TASOR2: variants seen among roughly 807,000 people sequenced by gnomAD.
The protein encoded by TASOR2 is protein TASOR 2.
TASOR2 carries 84 observed loss-of-function variants against 199.5 expected under a neutral mutation model. That is an observed-to-expected ratio of 0.42 (90% CI 0.35 to 0.50). The LOEUF (loss-of-function observed/expected upper bound fraction) is 0.50, where lower values mean the gene tolerates loss of function less well. Among genes scored for constraint, TASOR2 ranks in the 20% least tolerant of loss-of-function variants. The pLI is 0.02. For missense variants in TASOR2, 2,796 were observed against 2,835.9 expected, an observed-to-expected ratio of 0.99 and a Z score of 0.32; for synonymous variants, 1,103 against 1,046.6, an observed-to-expected ratio of 1.05 and a Z score of -1.04.
chr10:5,731,405 G>A (rs1834794511), intron 11 of TASOR2, among the ~76,000 whole-genome samples: 1 of 152,202 alleles, frequency 6.6e-6, no homozygotes, highest in East Asian at 1.9e-4. Flanking sequence ...GTGCGTGCCT[G>A]TAGTCCTAGC....
Position 5,720,816 on chromosome 10 carries a change from T to C in TASOR2, c.46+42T>C, listed in dbSNP as rs1218690038. ...TGATTCTTTTAGGTTTTTTTTTTCT[T>C]GAGTAAATGTTTCATCATAAATAAT... On this transcript the variant is annotated intron_variant, in intron 5 of 20. Coordinates refer to ENST00000328090, the Ensembl canonical transcript of TASOR2. This position sits in a 1 kb window ranked among gnomAD's most constrained non-coding sequence, Gnocchi z 5.3. 2 of 1,597,662 alleles carry C rather than the reference T, an allele frequency of 1.3e-6. No homozygotes were observed. The highest frequency in any genetic ancestry group is 1.8e-5 in the Admixed American group (1 of 56,096).
chr10:5,739,736 T>C lies in TASOR2; in HGVS notation c.1566T>C (p.Pro522=), dbSNP rs369448239. 2.0e-4 allele frequency: 319 copies of C among 1,614,224 alleles called. 1 individual carries two copies. In the African/African-American group the frequency reaches 3.9e-3, roughly 20 times the overall value. ...CCACAGCGGCTCACAATGATCTTCC[T>C]GAAAACTCCATCGTCAACTATGACT... The change falls in exon 13 of 21, where the codon CCT becomes CCC. Residue 522 remains proline (P), a synonymous_variant. Coordinates refer to ENST00000328090, the Ensembl canonical transcript of TASOR2.
At chr10:5,714,377 T>G (rs538103588) in intron 2 of TASOR2, 170 bp downstream of exon 3, 16 of 399,142 alleles carry the variant, frequency 4.0e-5, no homozygotes, top group African/African-American at 2.9e-4. Context: ...GATTTGAGTC[T>G]AAAACTTAAC....
Position 5,758,061 on chromosome 10 carries a change from G to A in TASOR2, c.6886+388G>A, listed in dbSNP as rs183980401. Among the ~76,000 whole-genome samples the A allele has an allele frequency of 8.4e-4, 128 of 152,150 alleles. 1 individual carries two copies. Among genetic ancestry groups the A allele is most frequent in the African/African-American group, 3.0e-3 (126 of 41,518 alleles). ...CTGATGTCAACACCCCTACCATCTT[G>A]ATGTCACAAAAATCTAAAAAATGGC... On this transcript the variant is annotated intron_variant, in intron 17 of 20. Coordinates refer to ENST00000328090, the Ensembl canonical transcript of TASOR2.
exon 11 of TASOR2, chr10:5,731,185 C>A: frequency 1.2e-6 from 2 of 1,601,642 alleles, no homozygotes; most frequent in Non-Finnish European, 1.7e-6. Context: ...AGGACAGTTT[C>A]CTCAGAAAAG....
intron 15 of TASOR2, among the ~76,000 whole-genome samples, chr10:5,755,300 C>T (rs1838768241): frequency 1.3e-5 from 2 of 151,954 alleles, no homozygotes; most frequent in South Asian, 4.1e-4. Flanking sequence ...GGGAGCCACA[C>T]AGTGGCTCTC....
In TASOR2 at chr10:5,706,450, A is replaced by G. The variant is rs554517164; in HGVS notation, c.-287-6373A>G. On this transcript the variant is annotated intron_variant, in intron 1 of 20. Transcript: ENST00000328090. This position sits in a 1 kb window ranked among gnomAD's most constrained non-coding sequence, Gnocchi z 4.8. ...AAGCCAGGCAGTAATATCAGAGGGC[A>G]CAAGCCCAGATTGAAGCTGGAAGAC... is the stretch of plus-strand genomic sequence containing the variant. 5.3e-5 allele frequency among the ~76,000 whole-genome samples: 8 copies of G among 152,326 alleles called. No homozygotes were observed. In the East Asian group the frequency reaches 1.5e-3, roughly 29 times the overall value.
In TASOR2 at chr10:5,689,989, AC is replaced by A. The variant is rs1836244842; in HGVS notation, c.-288+4816del. ...TTATTTAAATGTTTCTTCCATTTAGACCAATGTTGGTAAATTATATTTTTAT... is the reference window on the plus strand; with the variant it reads ...TTATTTAAATGTTTCTTCCATTTAGACAATGTTGGTAAATTATATTTTTAT... On this transcript the variant is annotated intron_variant, in intron 1 of 20. Transcript: ENST00000328090. This position sits in a 1 kb window ranked among gnomAD's most constrained non-coding sequence, Gnocchi z 4.1. 6.6e-6 allele frequency among the ~76,000 whole-genome samples: 1 copy of A among 152,116 alleles called. No homozygotes were observed. Among genetic ancestry groups the A allele is most frequent in the Admixed American group, 6.5e-5 (1 of 15,282 alleles).
At chr10:5,693,790 C>T (rs1836788610) in intron 1 of TASOR2, among the ~76,000 whole-genome samples, 2 of 152,144 alleles carry the variant, frequency 1.3e-5, no homozygotes, top group African/African-American at 4.8e-5. Context: ...GCAAAAACTA[C>T]CTGTACTTGT....
Position 5,739,924 on chromosome 10 carries a change from A to G in TASOR2, c.1754A>G (p.His585Arg), listed in dbSNP as rs1210023845. ...CGAGGTACATCTGACCATGAATATC[A>G]TAGAGGAGTTAAAACTCAAAAAGGT... Residue 585 changes from histidine to arginine, a missense_variant, in exon 13 of 21, where the codon CAT becomes CGT. Physicochemically the swap from His to Arg is conservative, Grantham distance 29 (BLOSUM62 0). Transcript: ENST00000328090. 3.7e-6 allele frequency: 6 copies of G among 1,614,022 alleles called. No individual in the cohort carries two copies. In the Admixed American group the frequency reaches 8.3e-5, roughly 22 times the overall value.
In TASOR2 at chr10:5,720,631, G is replaced by C. The variant is rs201891521; in HGVS notation, c.-12G>C. 5.7e-4 allele frequency: 923 copies of C among 1,613,970 alleles called. 3 individuals are homozygous for C. The highest frequency in any genetic ancestry group is 2.8e-3 in the Admixed American group (168 of 60,016). On this transcript the variant is annotated 5_prime_UTR_variant, in exon 4 of 21. Transcript: ENST00000328090. The surrounding 1 kb of genome is among the most constrained non-coding windows in gnomAD (Gnocchi z 5.3). The stretch of plus-strand genomic sequence containing the variant: ...TGTAATTGTAGCTTTTCGATACAGG[G>C]AATCTAAAACTATGGCACCACCAGC...
At chr10:5,747,127 G>A in exon 15 of TASOR2, 1 of 1,614,052 alleles carries the variant, frequency 6.2e-7, no homozygotes, top group South Asian at 1.1e-5. Context: ...TGACTCTTTA[G>A]AACTAAGGAA....
rs1836230557 is a variant in TASOR2, at chr10:5,740,360, T to C, written c.2190T>C (p.Ser730=). 1.2e-6 allele frequency: 2 copies of C among 1,614,054 alleles called. No individual in the cohort carries two copies. Among genetic ancestry groups the C allele is most frequent in the Non-Finnish European group, 1.7e-6 (2 of 1,179,878 alleles). The change falls in exon 13 of 21, where the codon TCT becomes TCC. Residue 730 remains serine (S), a synonymous_variant. Coordinates refer to ENST00000328090, the Ensembl canonical transcript of TASOR2. This position sits in a 1 kb window ranked among gnomAD's most constrained non-coding sequence, Gnocchi z 5.3. ...CACCGTCTGCCCGTGTGAAAAAATC[T>C]TCTTGCTCTCGTATAGTGCTTAGCT...
At chr10:5,763,721 A>T (rs1840216802) in exon 21 of TASOR2, 1 of 152,258 alleles carries the variant, frequency 6.6e-6, no homozygotes, top group Non-Finnish European at 1.5e-5. Context: ...CATTTTTTAA[A>T]TAAAGACAAC....
At chr10:5,729,651 C>A (rs1266237840) in intron 10 of TASOR2, among the ~76,000 whole-genome samples, 1 of 152,284 alleles carries the variant, frequency 6.6e-6, no homozygotes, top group East Asian at 1.9e-4. Flanking sequence ...TTAACTAGAA[C>A]TAACTTTGTG....
Position 5,719,492 on chromosome 10 carries a change from G to A in TASOR2, c.-99-1052G>A, listed in dbSNP as rs1480242970. ...CAAGTGGCTGGGACTACAGGCGCGC[G>A]CTACCACACCCAGCTAATTTTTTTG... On this transcript the variant is annotated intron_variant, in intron 3 of 20. Coordinates refer to ENST00000328090, the Ensembl canonical transcript of TASOR2. The surrounding 1 kb of genome is among the most constrained non-coding windows in gnomAD (Gnocchi z 4.1). Among the ~76,000 whole-genome samples the A allele has an allele frequency of 6.6e-5, 10 of 151,970 alleles. No homozygotes were observed. The highest frequency in any genetic ancestry group is 1.9e-4 in the African/African-American group (8 of 41,364).
At position 5,742,769 on chromosome 10, in the gene TASOR2, A is replaced by G. The variant is rs932143938; in HGVS notation, c.2757+243A>G. Among the ~76,000 whole-genome samples, 2 of 152,190 alleles carry G rather than the reference A, an allele frequency of 1.3e-5. No homozygotes were observed. Among genetic ancestry groups the G allele is most frequent in the Non-Finnish European group, 2.9e-5 (2 of 68,034 alleles). On this transcript the variant is annotated intron_variant, in intron 14 of 20. Coordinates refer to ENST00000328090, the Ensembl canonical transcript of TASOR2. This position sits in a 1 kb window ranked among gnomAD's most constrained non-coding sequence, Gnocchi z 4.2. ...AGTAGAAAAATGTCACAGGGTCCAC[A>G]TGATCTGGGAGCCCAGCATAATTTG...
chr10:5,734,384 C>T (rs570616359), intron 11 of TASOR2, among the ~76,000 whole-genome samples: 2 of 151,942 alleles, frequency 1.3e-5, no homozygotes, highest in South Asian at 2.1e-4. Context: ...CTTCCCAGAG[C>T]GCTTCTAAGA....
Position 5,752,454 on chromosome 10 carries a change from C to T in TASOR2, c.6606+2427C>T, listed in dbSNP as rs554229761. Among the ~76,000 whole-genome samples the T allele has an allele frequency of 9.1e-4, 138 of 152,216 alleles. 1 individual carries two copies. The Middle Eastern group carries it at 0.01, about 11-fold the overall frequency. On this transcript the variant is annotated intron_variant, in intron 15 of 20. Coordinates refer to ENST00000328090, the Ensembl canonical transcript of TASOR2. This position sits in a 1 kb window ranked among gnomAD's most constrained non-coding sequence, Gnocchi z 4.4. Reference sequence around the variant, plus strand: ...CCACACATGAGGGGCCTGCAGGCCACGTGCAGGCCGTGTGTCGGCTCCACA... The same window carrying T: ...CCACACATGAGGGGCCTGCAGGCCATGTGCAGGCCGTGTGTCGGCTCCACA...
Sources: gnomAD v4.1 joint callset for allele counts (sites outside exome capture counted in the v4.1 genomes callset) on GRCh38, gnomAD v4.1.1 for gene constraint, Gnocchi (gnomAD v3.1) non-coding constraint, MANE v1.5 for transcripts, NCBI Gene and HGNC (gene_info 2026-07-23, HGNC 2026-07-21) for gene names.